The following COL21A1 variants were observed in gnomAD, a reference collection of about 807,000 sequenced individuals.
The protein encoded by COL21A1 is collagen type XXI alpha 1 chain, also known as collagen alpha-1(XXI) chain.
A neutral mutation model predicts 137.9 loss-of-function variants in COL21A1; 149 were observed. The observed-to-expected ratio is 1.08, with a 90% confidence interval of 0.95 to 1.24. The LOEUF (loss-of-function observed/expected upper bound fraction) is 1.24. Among genes scored for constraint, COL21A1 ranks in the 50% most tolerant of loss-of-function variants. The pLI is 0.00. For synonymous variants in COL21A1, 456 were observed against 391.5 expected, an observed-to-expected ratio of 1.16 and a Z score of -1.95; for missense variants, 1,167 against 1,158.4, an observed-to-expected ratio of 1.01 and a Z score of -0.11.
chr6:56,116,498 C>A (rs1349809509), intron 16 of COL21A1, among the ~76,000 whole-genome samples: 1 of 142,756 alleles, frequency 7.0e-6, no homozygotes, highest in Non-Finnish European at 1.5e-5. Context: ...CCCAGACAAA[C>A]AATAGATGAG....
intron 1 of COL21A1, among the ~76,000 whole-genome samples, chr6:56,218,088 T>G (rs895293681): frequency 7.2e-5 from 11 of 152,096 alleles, no homozygotes; most frequent in African/African-American, 2.7e-4. Context: ...TACTATAAAG[T>G]TGTCTAAATA....
At chr6:56,390,846 G>T (rs554576795) in intron 1 of COL21A1, among the ~76,000 whole-genome samples, 1 of 152,140 alleles carries the variant, frequency 6.6e-6, no homozygotes, top group Non-Finnish European at 1.5e-5. Context: ...GGTATATAGA[G>T]AGATATACCC....
chr6:56,319,842 T>A (rs1764824899), intron 1 of COL21A1, among the ~76,000 whole-genome samples: 1 of 152,182 alleles, frequency 6.6e-6, no homozygotes, highest in South Asian at 2.1e-4. Context: ...TTAACACCTC[T>A]ACCTTAATTA....
At chr6:56,264,873 G>A (rs1352083384) in intron 1 of COL21A1, among the ~76,000 whole-genome samples, 1 of 152,176 alleles carries the variant, frequency 6.6e-6, no homozygotes, top group Non-Finnish European at 1.5e-5. Flanking sequence ...CTGAAGTGGT[G>A]TGTTGAGTGA....
rs550712324 is a variant in COL21A1 at position 56,101,658 on chromosome 6, G to A, written c.1759-133C>T. 1.9e-5 allele frequency: 13 copies of A among 667,118 alleles called. No individual in the cohort carries two copies. The South Asian group carries it at 2.3e-4, about 12-fold the overall frequency. The allele number at this position is 667,118 out of a possible 1,614,324, so 41.3% of individuals were successfully genotyped here. A position where few individuals can be genotyped will look rare whatever the true frequency, so the allele number is the denominator to read the frequency against. ...AAATTAAAATTACTTCTGGACTACTGATATTAACTTTTCCTGACATCAAAT... is the reference window on the plus strand; with the variant it reads ...AAATTAAAATTACTTCTGGACTACTAATATTAACTTTTCCTGACATCAAAT... On this transcript the variant is annotated intron_variant, in intron 16 of 29. Transcript: ENST00000244728.
chr6:56,150,565 C>CACACACACACACACA (rs1402170446), intron 10 of COL21A1, among the ~76,000 whole-genome samples: 1 of 112,610 alleles, frequency 8.9e-6, no homozygotes, highest in African/African-American at 3.6e-5. Context: ...CACACACACA[C>CACACACACACACACA]AAGAGTGGGG....
chr6:56,187,949 A>G (rs1349734215), intron 1 of COL21A1, among the ~76,000 whole-genome samples: 4 of 152,180 alleles, frequency 2.6e-5, no homozygotes, highest in African/African-American at 9.7e-5. Flanking sequence ...TAAAAAGAAA[A>G]ACAACACAAT....
chr6:56,352,672 C>T (rs1204705072), intron 1 of COL21A1, among the ~76,000 whole-genome samples: 1 of 152,198 alleles, frequency 6.6e-6, no homozygotes, highest in Non-Finnish European at 1.5e-5. Flanking sequence ...GACAACTATT[C>T]AACTCTGACC....
chr6:56,075,127 T>C (rs1278058780), intron 19 of COL21A1, among the ~76,000 whole-genome samples: 2 of 151,386 alleles, frequency 1.3e-5, no homozygotes. Flanking sequence ...CCCATTAGTG[T>C]AATATGTTTG....
At chr6:56,151,268 T>G (rs1775304159) in intron 10 of COL21A1, among the ~76,000 whole-genome samples, 1 of 152,100 alleles carries the variant, frequency 6.6e-6, no homozygotes, top group African/African-American at 2.4e-5. Flanking sequence ...TAACTAATGA[T>G]AACAGAAACC....
chr6:56,148,620 C>T (rs1331657438), intron 10 of COL21A1, among the ~76,000 whole-genome samples: 3 of 152,160 alleles, frequency 2.0e-5, no homozygotes, highest in Non-Finnish European at 4.4e-5. Flanking sequence ...GTTGAGTCCA[C>T]AACTGGCACC....
intron 1 of COL21A1, among the ~76,000 whole-genome samples, chr6:56,341,316 G>C (rs541660093): frequency 4.7e-4 from 71 of 152,258 alleles, no homozygotes; most frequent in African/African-American, 1.6e-3. Flanking sequence ...TTTATTTTCA[G>C]ATAATGTCAA....
chr6:56,166,622 G>A (rs968771965), intron 7 of COL21A1, among the ~76,000 whole-genome samples: 1 of 152,160 alleles, frequency 6.6e-6, no homozygotes, highest in African/African-American at 2.4e-5. Context: ...CTGCACTCCA[G>A]CCTGGGCGAC....
intron 1 of COL21A1, among the ~76,000 whole-genome samples, chr6:56,185,757 CTATT>C (rs1778247428): frequency 6.6e-6 from 1 of 152,126 alleles, no homozygotes; most frequent in Non-Finnish European, 1.5e-5. Flanking sequence ...TTGAAAAACA[CTATT>C]TATTGAAATT....
intron 1 of COL21A1, among the ~76,000 whole-genome samples, chr6:56,228,434 G>A (rs952876149): frequency 6.6e-6 from 1 of 151,702 alleles, no homozygotes; most frequent in African/African-American, 2.4e-5. Flanking sequence ...TGGCTTGAAC[G>A]TCTTGTAGAT....
chr6:56,098,558 A>AAT lies in COL21A1; in HGVS notation c.1812+2912_1812+2913dup, dbSNP rs1554206721. ...ATATATAAATATATAAATATATATA[A>AAT]ATATATAAATATATATAAATATATA... is the stretch of plus-strand genomic sequence containing the variant. On this transcript the variant is annotated intron_variant, in intron 17 of 29. Coordinates refer to ENST00000244728, the MANE Select transcript of COL21A1 (RefSeq NM_030820.4). 9.6e-3 allele frequency among the ~76,000 whole-genome samples: 88 copies of AAT among 9,204 alleles called. 17 individuals carry two copies. Among genetic ancestry groups the AAT allele is most frequent in the African/African-American group, 0.034 (78 of 2,326 alleles). The allele number at this position is 9,204 out of a possible 152,430, so 6.0% of individuals were successfully genotyped here.
chr6:56,276,667 C>G (rs1249650698), intron 1 of COL21A1: 1 of 1,442,418 alleles, frequency 6.9e-7, no homozygotes, highest in African/African-American at 1.4e-5. Flanking sequence ...TTTCAAAAGT[C>G]CTGCATGATC....
intron 1 of COL21A1, among the ~76,000 whole-genome samples, chr6:56,229,278 C>T (rs1251648089): frequency 1.3e-5 from 2 of 151,838 alleles, no homozygotes; most frequent in Admixed American, 1.3e-4. Context: ...CCTGGATACT[C>T]AGGAGCCTGA....
At chr6:56,081,781 A>C (rs988993634) in intron 17 of COL21A1, among the ~76,000 whole-genome samples, 7 of 151,914 alleles carry the variant, frequency 4.6e-5, no homozygotes, top group Non-Finnish European at 8.8e-5. Flanking sequence ...GGATGAACTT[A>C]TTCACCCTGG....
Sources: allele counts gnomAD v4.1 joint callset (sites outside exome capture counted in the v4.1 genomes callset), GRCh38; gene constraint gnomAD v4.1.1; transcripts MANE v1.5; gene names NCBI Gene and HGNC (gene_info 2026-07-23, HGNC 2026-07-21).